Variants in ZNF763 observed in about 807,000 individuals in gnomAD.
ZNF763 encodes zinc finger protein 763, also known as DNA-binding protein.
A neutral mutation model predicts 38.0 loss-of-function variants in ZNF763; 33 were observed. The ratio of observed to expected loss-of-function variants is 0.87; its 90% CI spans 0.66 to 1.16. The LOEUF (loss-of-function observed/expected upper bound fraction) is 1.16. ZNF763 is among the 50% of genes most tolerant of loss of function. The pLI, the probability that ZNF763 is intolerant of heterozygous loss-of-function variation, is 0.00. For missense variants in ZNF763, 423 were observed against 469.1 expected, an observed-to-expected ratio of 0.90 and a Z score of 0.91; for synonymous variants, 155 against 160.1, an observed-to-expected ratio of 0.97 and a Z score of 0.24.
At chr19:11,973,364 T>C (rs1973389653) in intron 1 of ZNF763, among the ~76,000 whole-genome samples, 1 of 152,224 alleles carries the variant, frequency 6.6e-6, no homozygotes, top group Non-Finnish European at 1.5e-5. Context: ...ATACCTTTGT[T>C]GCTTGACGAC....
chr19:11,965,256 C>G (rs377477795), intron 1 of ZNF763, 45 bp downstream of exon 1: 3 of 1,613,216 alleles, frequency 1.9e-6, no homozygotes, highest in Non-Finnish European at 2.5e-6. Context: ...TAGAGGCTGC[C>G]TGGAACCGGC....
chr19:11,965,624 A>G (rs1241745941), intron 1 of ZNF763, among the ~76,000 whole-genome samples: 1 of 152,238 alleles, frequency 6.6e-6, no homozygotes, highest in African/African-American at 2.4e-5. Flanking sequence ...AAGTACATTA[A>G]CAATTAAAGA....
At chr19:11,967,505 C>T (rs1476505676) in intron 1 of ZNF763, among the ~76,000 whole-genome samples, 4 of 151,972 alleles carry the variant, frequency 2.6e-5, no homozygotes, top group Non-Finnish European at 4.4e-5. Flanking sequence ...CCCGGGTTCA[C>T]GCCATTCTCC....
chr19:11,976,898 T>G lies in ZNF763; in HGVS notation c.4-140T>G, dbSNP rs773493682. 2.6e-6 allele frequency: 4 copies of G among 1,523,630 alleles called. No homozygotes were observed. In the African/African-American group the frequency reaches 5.6e-5, roughly 21 times the overall value. The allele number at this position is 1,523,630 out of a possible 1,614,324, so 94.4% of individuals were successfully genotyped here. On this transcript the variant is annotated intron_variant, in intron 1 of 3. Transcript: ENST00000358987. ...AACAAAAATGCTTTATGGAAGAAAG[T>G]ACAGAAAGCGAGAAAGGGATGTGAT...
intron 1 of ZNF763, among the ~76,000 whole-genome samples, chr19:11,975,629 G>A (rs550247984): frequency 1.0e-4 from 15 of 149,660 alleles, no homozygotes; most frequent in Admixed American, 2.7e-4. Context: ...TGATCCGCCC[G>A]CCTCGGCCTA....
chr19:11,965,990 C>T (rs1008651408), intron 1 of ZNF763, among the ~76,000 whole-genome samples: 1 of 152,024 alleles, frequency 6.6e-6, no homozygotes, highest in East Asian at 1.9e-4. Flanking sequence ...TGAAGTTTGT[C>T]TAAAGTTTGG....
chr19:11,965,306 G>A lies in ZNF763; in HGVS notation c.3+95G>A, dbSNP rs532126741. On this transcript the variant is annotated intron_variant, in intron 1 of 3. Transcript: ENST00000358987. ...GCGGGACCCGGGCCTCCCTGCGGGCGACTCCAGGGTCTGGGACCGAGTCCT... is the reference window on the plus strand; with the variant it reads ...GCGGGACCCGGGCCTCCCTGCGGGCAACTCCAGGGTCTGGGACCGAGTCCT... 5.6e-4 allele frequency: 873 copies of A among 1,558,652 alleles called. 6 individuals are homozygous for A. The African/African-American group carries it at 0.011, about 20-fold the overall frequency.
chr19:11,978,928 C>G lies in ZNF763; in HGVS notation c.1004C>G (p.Thr335Arg), dbSNP rs7250795. 4 of 1,613,952 alleles carry G rather than the reference C, an allele frequency of 2.5e-6. No homozygotes were observed. The highest frequency in any genetic ancestry group is 1.3e-5 in the African/African-American group (1 of 74,872). ...TATCTTAGACATAAAAGGAGTCACA[C>G]GGGAGAGAAGCCTTATCAATGTAAG... ...RSYLRHKRSHTGEKPYQCKEC... is the reference protein window; with the variant it reads ...RSYLRHKRSHRGEKPYQCKEC... Residue 335 changes from threonine to arginine, a missense_variant, in exon 4 of 4, where the codon ACG becomes AGG. By Grantham distance (71) the Thr-to-Arg change is moderately conservative (BLOSUM62 -1). Coordinates refer to ENST00000358987, the MANE Select transcript of ZNF763 (RefSeq NM_001367172.2).
intron 1 of ZNF763, among the ~76,000 whole-genome samples, chr19:11,966,029 GGGGTCTGTTATC>G (rs1973221889): frequency 6.6e-6 from 1 of 152,088 alleles, no homozygotes; most frequent in African/African-American, 2.4e-5. Context: ...CTGAAGGAAG[GGGGTCTGTTATC>G]TGCCACTTGA....
Position 11,978,664 on chromosome 19 carries a change from A to G in ZNF763, c.740A>G (p.Glu247Gly), listed in dbSNP as rs936730522. The G allele has an allele frequency of 1.9e-6, 3 of 1,614,026 alleles. No homozygotes were observed. Among genetic ancestry groups the G allele is most frequent in the Non-Finnish European group, 2.5e-6 (3 of 1,180,002 alleles). ...TATTCTGCTACCCATCGAATACATGAAAGAACTCACACTGGAGAAAAGCCT... is the reference window on the plus strand; with the variant it reads ...TATTCTGCTACCCATCGAATACATGGAAGAACTCACACTGGAGAAAAGCCT... Reference protein sequence around the residue: ...FSYSATHRIHERTHTGEKPYE... With the variant: ...FSYSATHRIHGRTHTGEKPYE... The change falls in exon 4 of 4, where the codon GAA (glutamate) becomes GGA (glycine). Residue 247 changes from glutamate (E) to glycine (G), a missense_variant. Glu to Gly is a moderately conservative substitution (Grantham distance 98, BLOSUM62 -2). Transcript: ENST00000358987.
At chr19:11,972,429 T>C (rs1286864743) in intron 1 of ZNF763, among the ~76,000 whole-genome samples, 2 of 152,242 alleles carry the variant, frequency 1.3e-5, no homozygotes, top group African/African-American at 2.4e-5. Flanking sequence ...GTGTGCATTC[T>C]AGAAACTTAG....
Position 11,979,309 on chromosome 19 carries a change from G to C in ZNF763, c.*200G>C. 1 of 1,608,898 alleles carries C rather than the reference G, an allele frequency of 6.2e-7. No individual in the cohort carries two copies. Among genetic ancestry groups the C allele is most frequent in the Admixed American group, 1.7e-5 (1 of 59,644 alleles). Reference sequence around the variant, plus strand: ...GCAATGTGGGAAAGCCTTCAGATGTGCCCCACACCTTCGAAGGCATGGTAG... The same window carrying C: ...GCAATGTGGGAAAGCCTTCAGATGTCCCCCACACCTTCGAAGGCATGGTAG... On this transcript the variant is annotated 3_prime_UTR_variant, in exon 4 of 4. Transcript: ENST00000358987.
At chr19:11,971,011 CT>C (rs1195197105) in intron 1 of ZNF763, among the ~76,000 whole-genome samples, 1 of 152,152 alleles carries the variant, frequency 6.6e-6, no homozygotes, top group African/African-American at 2.4e-5. Flanking sequence ...CCTTCCATCT[CT>C]CTGTTAATAC....
intron 1 of ZNF763, among the ~76,000 whole-genome samples, chr19:11,973,352 C>T (rs903990558): frequency 6.6e-6 from 1 of 152,244 alleles, no homozygotes. Context: ...GAAGGTCTCT[C>T]GATACCTTTG....
At chr19:11,974,614 G>T (rs909895144) in intron 1 of ZNF763, among the ~76,000 whole-genome samples, 20 of 150,548 alleles carry the variant, frequency 1.3e-4, no homozygotes, top group Admixed American at 4.0e-4. Flanking sequence ...TTTTTGGGCG[G>T]GGGGGTGGGG....
In ZNF763 at chr19:11,980,072, A is replaced by G. The variant is rs1599324450; in HGVS notation, c.*963A>G. ...CACTGGAGAGAAACCCTATGAGTGT[A>G]AGCAATGTGGAAAAACCTTCAGATC... On this transcript the variant is annotated 3_prime_UTR_variant, in exon 4 of 4. Transcript: ENST00000358987. 3 of 1,062,080 alleles carry G rather than the reference A, an allele frequency of 2.8e-6. No individual in the cohort carries two copies. The highest frequency in any genetic ancestry group is 2.9e-5 in the East Asian group (1 of 34,628). The allele number at this position is 1,062,080 out of a possible 1,614,324, so 65.8% of individuals were successfully genotyped here. A position where few individuals can be genotyped will look rare whatever the true frequency, so the allele number is the denominator to read the frequency against.
In ZNF763 at chr19:11,978,946, A is replaced by G. The variant is rs751605910; in HGVS notation, c.1022A>G (p.Gln341Arg). The G allele has an allele frequency of 1.2e-6, 2 of 1,614,092 alleles. No individual in the cohort carries two copies. Among genetic ancestry groups the G allele is most frequent in the East Asian group, 2.2e-5 (1 of 44,890 alleles). ...KRSHTGEKPY[Q>R]CKECRKAFTY... ...AGTCACACGGGAGAGAAGCCTTATC[A>G]ATGTAAGGAATGTAGAAAAGCATTC... is the stretch of plus-strand genomic sequence containing the variant. The change falls in exon 4 of 4, where the codon CAA becomes CGA. Residue 341 changes from glutamine (Q) to arginine (R), a missense_variant. Coordinates refer to ENST00000358987, the MANE Select transcript of ZNF763 (RefSeq NM_001367172.2).
intron 1 of ZNF763, among the ~76,000 whole-genome samples, chr19:11,972,043 C>G (rs956192927): frequency 1.4e-5 from 2 of 143,558 alleles, no homozygotes; most frequent in African/African-American, 2.6e-5. Flanking sequence ...GCCCAGGCAA[C>G]AAGAGCAAAA....
rs763190429 is a variant in ZNF763, at chr19:11,979,375, G to A, written c.*266G>A. The A allele has an allele frequency of 3.7e-6, 6 of 1,611,704 alleles. No individual in the cohort carries two copies. Among genetic ancestry groups the A allele is most frequent in the Non-Finnish European group, 4.2e-6 (5 of 1,179,054 alleles). The stretch of plus-strand genomic sequence containing the variant: ...AACCCTATGAGTGTAAGGAATGTGG[G>A]AAAGCCTTCAGATCTGCCTCACACC... On this transcript the variant is annotated 3_prime_UTR_variant, in exon 4 of 4. Transcript: ENST00000358987.
Sources: allele counts gnomAD v4.1 joint callset (sites outside exome capture counted in the v4.1 genomes callset), GRCh38; gene constraint gnomAD v4.1.1; transcripts MANE v1.5; gene names NCBI Gene and HGNC (gene_info 2026-07-23, HGNC 2026-07-21).